AGMO: variants seen among roughly 807,000 people sequenced by gnomAD.
AGMO encodes the protein glyceryl-ether monooxygenase.
AGMO carries 75 observed loss-of-function variants against 60.2 expected under a neutral mutation model. The ratio of observed to expected loss-of-function variants is 1.25; its 90% CI spans 1.03 to 1.51. The LOEUF (loss-of-function observed/expected upper bound fraction) is 1.51. Among genes scored for constraint, AGMO ranks in the 40% most tolerant of loss-of-function variants. The probability of loss-of-function intolerance (pLI) is 0.00; values close to 1 mark genes in which losing one functional copy is unlikely to be tolerated. For synonymous variants in AGMO, 261 were observed against 177.1 expected (o/e 1.47, Z -3.76); for missense variants, 763 against 525.5 (o/e 1.45, Z -4.42).
chr7:15,377,559 G>A (rs560299805), intron 10 of AGMO, among the ~76,000 whole-genome samples: 1 of 152,156 alleles, frequency 6.6e-6, no homozygotes, highest in Admixed American at 6.5e-5. Context: ...CTTAAAATGA[G>A]TAAGTCTCCA....
chr7:15,169,912 C>T, the AGMO span, among the ~76,000 whole-genome samples: 1 of 152,162 alleles, frequency 6.6e-6, no homozygotes, highest in Non-Finnish European at 1.5e-5. Context: ...TATGATTAGG[C>T]CTTACCTGTA....
At chr7:15,458,938 C>G (rs1782065758) in intron 3 of AGMO, among the ~76,000 whole-genome samples, 1 of 152,110 alleles carries the variant, frequency 6.6e-6, no homozygotes, top group Non-Finnish European at 1.5e-5. Flanking sequence ...CATCATATAT[C>G]AGATTGAAGC....
chr7:15,379,755 A>T (rs1416034851), intron 10 of AGMO, among the ~76,000 whole-genome samples: 1 of 152,062 alleles, frequency 6.6e-6, no homozygotes, highest in Non-Finnish European at 1.5e-5. Context: ...TAATGCAAAA[A>T]TTCTCAATAA....
intron 10 of AGMO, among the ~76,000 whole-genome samples, chr7:15,373,292 T>A (rs1017442281): frequency 2.7e-5 from 4 of 150,848 alleles, no homozygotes; most frequent in Non-Finnish European, 5.9e-5. Flanking sequence ...AAAAAAAAAA[T>A]TATTTGGTAG....
the AGMO span, among the ~76,000 whole-genome samples, chr7:15,142,195 A>C: frequency 3.9e-5 from 6 of 152,238 alleles, no homozygotes; most frequent in Non-Finnish European, 8.8e-5. Context: ...ATATATAAGA[A>C]ATAGCCACTT....
chr7:15,344,914 CTGT>C (rs1187114602), intron 12 of AGMO, among the ~76,000 whole-genome samples: 3 of 152,154 alleles, frequency 2.0e-5, no homozygotes, highest in Admixed American at 6.5e-5. Context: ...CCTGTGGAGA[CTGT>C]TGTTTTCTTG....
chr7:15,259,401 T>C (rs1279770221), intron 12 of AGMO, among the ~76,000 whole-genome samples: 1 of 152,014 alleles, frequency 6.6e-6, no homozygotes, highest in African/African-American at 2.4e-5. Flanking sequence ...CCAGGAAGTC[T>C]GGGACTATGT....
intron 8 of AGMO, among the ~76,000 whole-genome samples, chr7:15,389,893 C>T (rs1784066126): frequency 1.3e-5 from 2 of 152,174 alleles, no homozygotes; most frequent in Non-Finnish European, 2.9e-5. Flanking sequence ...GTTATTTCAA[C>T]TTTCAGTGAA....
At chr7:15,503,898 A>G (rs989066916) in intron 3 of AGMO, among the ~76,000 whole-genome samples, 1 of 152,040 alleles carries the variant, frequency 6.6e-6, no homozygotes, top group Admixed American at 6.6e-5. Context: ...TGATAAAAAC[A>G]TATTTTACTC....
At chr7:15,453,754 C>A (rs377186353) in intron 3 of AGMO, among the ~76,000 whole-genome samples, 6 of 152,194 alleles carry the variant, frequency 3.9e-5, no homozygotes, top group African/African-American at 1.4e-4. Flanking sequence ...TTTGTGGCAG[C>A]AGGGTCAGGT....
At chr7:15,248,037 T>A (rs997519445) in intron 12 of AGMO, among the ~76,000 whole-genome samples, 1 of 150,716 alleles carries the variant, frequency 6.6e-6, no homozygotes, top group East Asian at 2.0e-4. Context: ...GCAAGCAGAA[T>A]AACAGAATGC....
At chr7:15,292,502 G>C (rs548126730) in intron 12 of AGMO, among the ~76,000 whole-genome samples, 1 of 152,012 alleles carries the variant, frequency 6.6e-6, no homozygotes, top group African/African-American at 2.4e-5. Context: ...CAAAATATGA[G>C]GACGACTAGT....
At chr7:15,498,292 T>G (rs1272073596) in intron 3 of AGMO, among the ~76,000 whole-genome samples, 1 of 152,020 alleles carries the variant, frequency 6.6e-6, no homozygotes, top group Non-Finnish European at 1.5e-5. Flanking sequence ...GATAATTTAT[T>G]TTGTATACTA....
At chr7:15,133,981 C>A in the AGMO span, among the ~76,000 whole-genome samples, 1 of 152,150 alleles carries the variant, frequency 6.6e-6, no homozygotes, top group East Asian at 1.9e-4. Context: ...GCACACCTTT[C>A]TGTTATGGTC....
At chr7:15,542,302 T>C (rs114523518) in intron 3 of AGMO, among the ~76,000 whole-genome samples, 1,974 of 152,286 alleles carry the variant, frequency 0.013, 49 homozygotes, top group African/African-American at 0.046. Flanking sequence ...CCAGAAGGTT[T>C]TCAAAATTTT....
rs561940655 is a variant in AGMO, at chr7:15,391,984, T to C, written c.677-1079A>G. Among the ~76,000 whole-genome samples, 28 of 152,316 alleles carry C rather than the reference T, an allele frequency of 1.8e-4. No homozygotes were observed. The East Asian group carries it at 4.8e-3, about 26-fold the overall frequency. ...ACCCTGATATAAGCAGGCGTGGGCA[T>C]GCGAAGATGAAGTCAGAGGAAGTAG... On this transcript the variant is annotated intron_variant, in intron 6 of 12. Coordinates refer to ENST00000342526, the MANE Select transcript of AGMO (RefSeq NM_001004320.2).
At chr7:15,420,814 A>G (rs1044076899) in intron 4 of AGMO, among the ~76,000 whole-genome samples, 3 of 152,140 alleles carry the variant, frequency 2.0e-5, no homozygotes, top group African/African-American at 7.2e-5. Flanking sequence ...AAATACATCC[A>G]TATCTACCAT....
At chr7:15,346,106 CA>C (rs1225719987) in intron 12 of AGMO, among the ~76,000 whole-genome samples, 1 of 152,040 alleles carries the variant, frequency 6.6e-6, no homozygotes, top group African/African-American at 2.4e-5. Flanking sequence ...TTGGTATAGC[CA>C]AAAATTCTGT....
At chr7:15,508,140 G>A (rs572675825) in intron 3 of AGMO, among the ~76,000 whole-genome samples, 1 of 152,042 alleles carries the variant, frequency 6.6e-6, no homozygotes, top group South Asian at 2.1e-4. Context: ...AAATAATGCA[G>A]GGAAAAAAAT....
Sources: allele counts gnomAD v4.1 joint callset (sites outside exome capture counted in the v4.1 genomes callset), GRCh38; gene constraint gnomAD v4.1.1; transcripts MANE v1.5; gene names NCBI Gene and HGNC (gene_info 2026-07-23, HGNC 2026-07-21).